The following COBLL1 variants were observed in gnomAD, a reference collection of about 807,000 sequenced individuals.
The protein encoded by COBLL1 is cordon-bleu WH2 repeat protein like 1.
COBLL1 carries 50 observed loss-of-function variants against 94.8 expected under a neutral mutation model. The ratio of observed to expected loss-of-function variants is 0.53; its 90% CI spans 0.42 to 0.67. The LOEUF is 0.67. Ranked by LOEUF, COBLL1 falls within the 30% of genes least tolerant of loss-of-function variation. The pLI, the probability that COBLL1 is intolerant of heterozygous loss-of-function variation, is 0.00. For missense variants in COBLL1, 1,362 were observed against 1,348.7 expected, an observed-to-expected ratio of 1.01 and a Z score of -0.15; for synonymous variants, 448 against 473.8, an observed-to-expected ratio of 0.95 and a Z score of 0.71.
intron 3 of COBLL1, among the ~76,000 whole-genome samples, chr2:164,740,852 C>CT (rs1310142569): frequency 6.6e-6 from 1 of 152,012 alleles, no homozygotes. Context: ...GCTATATAAA[C>CT]TAACTGGAGA....
intron 13 of COBLL1, chr2:164,687,221 T>TTTTTTTTTTTTTTTTTTTTTTTA (rs1347984870): frequency 2.4e-6 from 1 of 408,772 alleles, no homozygotes; most frequent in African/African-American, 2.0e-5. Context: ...TTCTTTTTTT[T>TTTTTTTTTTTTTTTTTTTTTTTA]TTTTTTGGAG....
intron 13 of COBLL1, among the ~76,000 whole-genome samples, chr2:164,686,838 A>G (rs1683319846): frequency 6.6e-6 from 1 of 152,236 alleles, no homozygotes; most frequent in South Asian, 2.1e-4. Flanking sequence ...TAATTTGACT[A>G]ATTTAGATTC....
At chr2:164,749,540 C>A (rs1687025133) in intron 2 of COBLL1, among the ~76,000 whole-genome samples, 1 of 152,044 alleles carries the variant, frequency 6.6e-6, no homozygotes. Context: ...AAATTGAAGA[C>A]CAATTTCTCA....
At chr2:164,836,465 C>A (rs1683324718) in intron 2 of COBLL1, among the ~76,000 whole-genome samples, 1 of 152,096 alleles carries the variant, frequency 6.6e-6, no homozygotes, top group Non-Finnish European at 1.5e-5. Context: ...TCAGTATAAT[C>A]CATGGTAGCA....
At chr2:164,662,989 C>G (rs1691095888) in intron 2 of COBLL1, among the ~76,000 whole-genome samples, 1 of 152,146 alleles carries the variant, frequency 6.6e-6, no homozygotes, top group Non-Finnish European at 1.5e-5. Context: ...CAGCCTAATA[C>G]AGTCAGTATA....
chr2:164,766,295 T>C (rs1044181657), intron 2 of COBLL1, among the ~76,000 whole-genome samples: 11 of 152,286 alleles, frequency 7.2e-5, no homozygotes, highest in African/African-American at 2.4e-4. Flanking sequence ...GTATGTGATA[T>C]GGTTTGGTTC....
At chr2:164,725,134 A>ATATATATATGTATAT (rs1558956185) in intron 5 of COBLL1, 1 of 55,392 alleles carries the variant, frequency 1.8e-5, no homozygotes, top group South Asian at 6.2e-4. Flanking sequence ...ATATATATAT[A>ATATATATATGTATAT]AAATGAAAGC....
At chr2:164,797,481 A>G (rs1290914409) in intron 2 of COBLL1, among the ~76,000 whole-genome samples, 1 of 151,416 alleles carries the variant, frequency 6.6e-6, no homozygotes, top group Non-Finnish European at 1.5e-5. Context: ...TATAAGACAG[A>G]AAAAAAAACC....
chr2:164,699,428 G>A lies in COBLL1; in HGVS notation c.1532C>T (p.Ser511Leu), dbSNP rs757755954. ...ACCATTCTCTTGGTTTGGGCCCAAC[G>A]ACTTCAAGTTTCTTATACTGTCAAC... ...KVVDSIRNLK[S>L]LGPNQENVVQ... The change falls in exon 11 of 14, where the codon TCG becomes TTG. Residue 511 changes from serine to leucine, a missense_variant. Ser to Leu is a moderately radical substitution (Grantham distance 145). Transcript: ENST00000652658. The A allele has an allele frequency of 1.9e-5, 31 of 1,610,918 alleles. No individual in the cohort carries two copies. In the South Asian group the frequency reaches 2.6e-4, roughly 14 times the overall value.
At position 164,746,429 on chromosome 2, in the gene COBLL1, C is replaced by T. The variant is rs531813113; in HGVS notation, c.42-2554G>A. The stretch of plus-strand genomic sequence containing the variant: ...AAATACAAGTCAGCTCACTGCCTCA[C>T]TTCTCACATTCTCCAATGGTTTCTT... On this transcript the variant is annotated intron_variant, in intron 2 of 13. Coordinates refer to ENST00000652658, the MANE Select transcript of COBLL1 (RefSeq NM_001365672.2). Among the ~76,000 whole-genome samples, 3 of 152,212 alleles carry T rather than the reference C, an allele frequency of 2.0e-5. No homozygotes were observed. In the East Asian group the frequency reaches 5.8e-4, roughly 29 times the overall value.
chr2:164,744,001 T>G (rs1006236725), intron 2 of COBLL1, 126 bp from the exon 3 acceptor site: 1 of 670,680 alleles, frequency 1.5e-6, no homozygotes, highest in Non-Finnish European at 2.3e-6. Flanking sequence ...TGTTCTACAA[T>G]GTTAACTGTT....
At chr2:164,667,101 A>G (rs1365944501) in intron 1 of COBLL1, among the ~76,000 whole-genome samples, 5 of 152,010 alleles carry the variant, frequency 3.3e-5, no homozygotes, top group African/African-American at 1.2e-4. Flanking sequence ...TTAATATTAT[A>G]TGTTAAATAT....
At chr2:164,779,850 G>A (rs1180250096) in intron 2 of COBLL1, 3 of 426,746 alleles carry the variant, frequency 7.0e-6, no homozygotes, top group African/African-American at 2.0e-5. Flanking sequence ...ATTAAAGGGA[G>A]GGTAGGGAAT....
chr2:164,737,455 C>T (rs1343865906), intron 3 of COBLL1, among the ~76,000 whole-genome samples: 1 of 152,128 alleles, frequency 6.6e-6, no homozygotes, highest in Non-Finnish European at 1.5e-5. Flanking sequence ...TCAAGTAGTA[C>T]TGTTATGTCT....
intron 2 of COBLL1, among the ~76,000 whole-genome samples, chr2:164,758,363 C>T (rs1687513141): frequency 6.6e-6 from 1 of 151,910 alleles, no homozygotes; most frequent in Non-Finnish European, 1.5e-5. Flanking sequence ...ACAAATACTA[C>T]CCTTTTTTGA....
intron 2 of COBLL1, among the ~76,000 whole-genome samples, chr2:164,833,863 CTTAAA>C (rs1467945306): frequency 1.3e-5 from 2 of 152,138 alleles, no homozygotes; most frequent in African/African-American, 4.8e-5. Context: ...GTATAGTGAA[CTTAAA>C]TTAAATGAAA....
chr2:164,719,241 CT>C (rs1226070574), intron 7 of COBLL1, among the ~76,000 whole-genome samples: 1 of 151,984 alleles, frequency 6.6e-6, no homozygotes, highest in Non-Finnish European at 1.5e-5. Context: ...GCTTTTCAGT[CT>C]GGTGAAAAAC....
At chr2:164,729,018 A>G (rs1401406766) in intron 4 of COBLL1, among the ~76,000 whole-genome samples, 2 of 151,942 alleles carry the variant, frequency 1.3e-5, no homozygotes, top group Non-Finnish European at 2.9e-5. Context: ...TAGCATAAAT[A>G]TAACTATTTC....
chr2:164,833,749 C>A (rs1209836944), intron 2 of COBLL1, among the ~76,000 whole-genome samples: 1 of 152,114 alleles, frequency 6.6e-6, no homozygotes, highest in Non-Finnish European at 1.5e-5. Flanking sequence ...CGCGCCAGGC[C>A]GACAATTCCA....
Sources: allele counts gnomAD v4.1 joint callset (sites outside exome capture counted in the v4.1 genomes callset), GRCh38; gene constraint gnomAD v4.1.1; transcripts MANE v1.5; gene names NCBI Gene and HGNC (gene_info 2026-07-23, HGNC 2026-07-21).